Variants in AHI1 observed in about 807,000 individuals in gnomAD.
AHI1 encodes the protein jouberin.
A neutral mutation model predicts 149.3 loss-of-function variants in AHI1; 123 were observed. The ratio of observed to expected loss-of-function variants is 0.82; its 90% CI spans 0.71 to 0.96. AHI1 has a LOEUF of 0.96. AHI1 is among the 40% of genes least tolerant of loss of function. AHI1 has a pLI of 0.00. For missense variants in AHI1, 1,439 were observed against 1,422.7 expected, an observed-to-expected ratio of 1.01 and a Z score of -0.18; for synonymous variants, 475 against 459.8, an observed-to-expected ratio of 1.03 and a Z score of -0.42.
At chr6:135,323,504 G>A (rs940402935) in intron 24 of AHI1, 180 bp from the exon 25 acceptor site, 4 of 462,348 alleles carry the variant, frequency 8.7e-6, no homozygotes, top group Non-Finnish European at 1.5e-5. Context: ...GGAGAAGCAA[G>A]ATAAAAGACT....
Position 135,413,249 on chromosome 6 carries a change from G to T in AHI1, c.2765-1705C>A, listed in dbSNP as rs377157251. On this transcript the variant is annotated intron_variant, in intron 20 of 28. Transcript: ENST00000265602. ...GGAGGCTGAGGTGGGTGGGAGGATTGCTTGAGACTGGAGGTCGAGGCTGCC... is the reference window on the plus strand; with the variant it reads ...GGAGGCTGAGGTGGGTGGGAGGATTTCTTGAGACTGGAGGTCGAGGCTGCC... Among the ~76,000 whole-genome samples, 7 of 152,236 alleles carry T rather than the reference G, an allele frequency of 4.6e-5. No individual in the cohort carries two copies. The East Asian group carries it at 1.2e-3, about 25-fold the overall frequency.
rs186144656 is a variant in AHI1, at chr6:135,485,485, T to C, written c.135+5138A>G. ...AATCATCCACTGGAAACCATTACAA[T>C]TGGATTAAACCTAAAAATTAATCTG... On this transcript the variant is annotated intron_variant, in intron 5 of 28. Transcript: ENST00000265602. 1.0e-3 allele frequency among the ~76,000 whole-genome samples: 156 copies of C among 152,324 alleles called. 1 individual carries two copies. Among genetic ancestry groups the C allele is most frequent in the African/African-American group, 3.5e-3 (145 of 41,584 alleles).
At chr6:135,497,561 A>G (rs1177639644) in intron 1 of AHI1, 22 bp downstream of exon 1, 1 of 152,962 alleles carries the variant, frequency 6.5e-6, no homozygotes, top group East Asian at 1.9e-4. Context: ...TCCCGCCACC[A>G]GCGCACCCAT....
chr6:135,333,826 T>C (rs541453536), intron 24 of AHI1, among the ~76,000 whole-genome samples: 1 of 152,316 alleles, frequency 6.6e-6, no homozygotes, highest in African/African-American at 2.4e-5. Flanking sequence ...AGATGATATA[T>C]GGTATACCTT....
At chr6:135,379,229 T>A (rs1470268973) in intron 23 of AHI1, among the ~76,000 whole-genome samples, 1 of 152,168 alleles carries the variant, frequency 6.6e-6, no homozygotes, top group Non-Finnish European at 1.5e-5. Flanking sequence ...TATTCCTGTA[T>A]CTCCTATTTT....
intron 23 of AHI1, among the ~76,000 whole-genome samples, chr6:135,384,683 G>A (rs1384771145): frequency 6.6e-6 from 1 of 152,122 alleles, no homozygotes; most frequent in Non-Finnish European, 1.5e-5. Context: ...TTTTTTAAAT[G>A]GTAATCTATT....
At chr6:135,452,616 C>T (rs1788297925) in intron 11 of AHI1, among the ~76,000 whole-genome samples, 1 of 152,178 alleles carries the variant, frequency 6.6e-6, no homozygotes, top group African/African-American at 2.4e-5. Context: ...CTTCCCATTG[C>T]TCTTTAAATT....
In AHI1 at chr6:135,447,067, T is replaced by A; in HGVS notation, c.1720A>T (p.Thr574Ser). The A allele has an allele frequency of 6.2e-7, 1 of 1,613,572 alleles. No homozygotes were observed. The highest frequency in any genetic ancestry group is 8.5e-7 in the Non-Finnish European group (1 of 1,179,642). ...TTTGACTCTTCTAATCCAGGTTCTG[T>A]GTCTACTGAGCTTGACTCATGGTGA... ...ERHHESSSVD[T>S]EPGLEESKEV... The change falls in exon 13 of 29, where the codon ACA becomes TCA. Residue 574 changes from threonine to serine, a missense_variant. Thr to Ser is a moderately conservative substitution (Grantham distance 58). Coordinates refer to ENST00000265602, the MANE Select transcript of AHI1 (RefSeq NM_001134831.2).
chr6:135,418,512 T>G (rs1782692881), intron 20 of AHI1, among the ~76,000 whole-genome samples: 1 of 152,070 alleles, frequency 6.6e-6, no homozygotes, highest in African/African-American at 2.4e-5. Context: ...GAAAAAATAA[T>G]GTGGTTTTCT....
rs867058060 is a variant in AHI1 at position 135,492,305 on chromosome 6, G to C, written c.-54-14C>G. 1.5e-5 allele frequency: 22 copies of C among 1,480,646 alleles called. No individual in the cohort carries two copies. In the Middle Eastern group the frequency reaches 1.9e-3, roughly 131 times the overall value. The allele number at this position is 1,480,646 out of a possible 1,614,324, so 91.7% of individuals were successfully genotyped here. A position where few individuals can be genotyped will look rare whatever the true frequency, so the allele number is the denominator to read the frequency against. On this transcript the variant is annotated splice_polypyrimidine_tract_variant and intron_variant, in intron 3 of 28. Coordinates refer to ENST00000265602, the MANE Select transcript of AHI1 (RefSeq NM_001134831.2). The stretch of plus-strand genomic sequence containing the variant: ...TCAATCAGGATCCTATCGAAACAAA[G>C]GAGATGTATTTGTAATATGGAACTT...
At position 135,285,478 on chromosome 6, in the gene AHI1, C is replaced by T; in HGVS notation, c.*167G>A. 1 of 738,472 alleles carries T rather than the reference C, an allele frequency of 1.4e-6. No homozygotes were observed. Among genetic ancestry groups the T allele is most frequent in the Non-Finnish European group, 2.3e-6 (1 of 440,160 alleles). 45.7% of individuals were successfully genotyped at this position (738,472 alleles called of 1,614,324 possible). On this transcript the variant is annotated 3_prime_UTR_variant, in exon 29 of 29. Transcript: ENST00000265602. ...TCAAAGGCCACGTTGATTTTTCCAC[C>T]CACAACTTGATTCTGATTTTTCTAG...
At chr6:135,453,573 C>T (rs1020445901) in intron 10 of AHI1, 137 bp from the exon 11 acceptor site, 3 of 658,384 alleles carry the variant, frequency 4.6e-6, no homozygotes, top group Middle Eastern at 4.1e-4. Context: ...ATTTTTATCT[C>T]ATTTCATTCA....
chr6:135,404,926 CT>C, intron 22 of AHI1, 24 bp downstream of exon 22: 1 of 1,603,734 alleles, frequency 6.2e-7, no homozygotes, highest in Non-Finnish European at 8.5e-7. Context: ...TTGAAGTTAT[CT>C]TCCTGGTAAT....
At chr6:135,361,112 A>C (rs768062565) in intron 23 of AHI1, among the ~76,000 whole-genome samples, 1 of 152,002 alleles carries the variant, frequency 6.6e-6, no homozygotes, top group Non-Finnish European at 1.5e-5. Flanking sequence ...ACATCTCTTC[A>C]TATTTTTTAA....
chr6:135,326,380 T>C (rs1787687620), intron 24 of AHI1, among the ~76,000 whole-genome samples: 1 of 152,206 alleles, frequency 6.6e-6, no homozygotes. Context: ...ACCTTGATCT[T>C]GGTCTTCTAG....
chr6:135,302,751 T>C, intron 26 of AHI1: 3 of 1,287,256 alleles, frequency 2.3e-6, no homozygotes, highest in Non-Finnish European at 3.0e-6. Context: ...ATATAGGTAG[T>C]TACTCATGGA....
At chr6:135,346,927 T>A (rs545674952) in intron 24 of AHI1, among the ~76,000 whole-genome samples, 1 of 152,188 alleles carries the variant, frequency 6.6e-6, no homozygotes, top group Admixed American at 6.5e-5. Context: ...CCTTCTCACA[T>A]CCAGATTACT....
At chr6:135,392,760 A>G (rs1055160375) in intron 23 of AHI1, among the ~76,000 whole-genome samples, 8 of 152,214 alleles carry the variant, frequency 5.3e-5, no homozygotes, top group African/African-American at 1.9e-4. Flanking sequence ...CCATAGCCAG[A>G]GCCCTCATTT....
intron 24 of AHI1, among the ~76,000 whole-genome samples, chr6:135,344,381 T>A (rs895887940): frequency 6.6e-6 from 1 of 150,970 alleles, no homozygotes; most frequent in Non-Finnish European, 1.5e-5. Context: ...TATATTTACA[T>A]TAAAAATTTA....
Sources: gnomAD v4.1 joint callset for allele counts (sites outside exome capture counted in the v4.1 genomes callset) on GRCh38, gnomAD v4.1.1 for gene constraint, MANE v1.5 for transcripts, NCBI Gene and HGNC (gene_info 2026-07-23, HGNC 2026-07-21) for gene names.